Variants in SNX29 observed in about 807,000 individuals in gnomAD.
SNX29 encodes the protein sorting nexin-29.
A neutral mutation model predicts 102.1 loss-of-function variants in SNX29; 78 were observed. The ratio of observed to expected loss-of-function variants is 0.76; its 90% CI spans 0.64 to 0.92. SNX29 has a LOEUF of 0.92. Ranked by LOEUF, SNX29 falls within the 40% of genes least tolerant of loss-of-function variation. The pLI is 0.00. For synonymous variants in SNX29, 580 were observed against 414.5 expected (o/e 1.40, Z -4.85); for missense variants, 1,280 against 1,061.7 (o/e 1.21, Z -2.86).
chr16:12,339,166 A>G (rs1221340129), intron 15 of SNX29, among the ~76,000 whole-genome samples: 1 of 152,098 alleles, frequency 6.6e-6, no homozygotes, highest in Non-Finnish European at 1.5e-5. Flanking sequence ...TCAGGAGTTC[A>G]AGACCAGCCT....
chr16:12,067,951 G>T (rs2051111424), intron 9 of SNX29, among the ~76,000 whole-genome samples: 1 of 152,138 alleles, frequency 6.6e-6, no homozygotes, highest in African/African-American at 2.4e-5. Flanking sequence ...ACTACTTATG[G>T]CCCCAGCTCT....
chr16:12,376,327 C>T (rs568048184), intron 16 of SNX29, among the ~76,000 whole-genome samples: 16 of 152,274 alleles, frequency 1.1e-4, no homozygotes, highest in African/African-American at 2.6e-4. Flanking sequence ...ATTTTATGGA[C>T]GAAGTGAGTC....
intron 18 of SNX29, among the ~76,000 whole-genome samples, chr16:12,446,024 A>G (rs1314457100): frequency 6.6e-6 from 1 of 150,468 alleles, no homozygotes; most frequent in East Asian, 2.0e-4. Context: ...CTGGACGTGC[A>G]GTTGAAACAG....
chr16:12,570,152 C>CA lies in SNX29; in HGVS notation c.*1524dup, dbSNP rs2079156198. The CA allele has an allele frequency of 9.4e-7, 1 of 1,064,456 alleles. No individual in the cohort carries two copies. The highest frequency in any genetic ancestry group is 1.6e-5 in the African/African-American group (1 of 61,036). The allele number at this position is 1,064,456 out of a possible 1,614,324, so 65.9% of individuals were successfully genotyped here. A position where few individuals can be genotyped will look rare whatever the true frequency, so the allele number is the denominator to read the frequency against. On this transcript the variant is annotated 3_prime_UTR_variant, in exon 21 of 21. Coordinates refer to ENST00000566228, the MANE Select transcript of SNX29 (RefSeq NM_032167.5). ...TTAAGGAAGGCTGAGATCACTCACA[C>CA]ACAGCGCCCCCCCACCCCAGAGAAA...
At chr16:12,153,410 A>C (rs934466673) in intron 13 of SNX29, among the ~76,000 whole-genome samples, 1 of 151,524 alleles carries the variant, frequency 6.6e-6, no homozygotes, top group African/African-American at 2.4e-5. Context: ...GCCCCTGGGG[A>C]GATCCCCCCA....
chr16:12,546,935 G>T (rs144764905), intron 20 of SNX29, among the ~76,000 whole-genome samples: 5 of 152,330 alleles, frequency 3.3e-5, no homozygotes, highest in East Asian at 3.9e-4. Context: ...CAGGGATGAA[G>T]AGAAAATAAA....
chr16:12,543,925 G>T (rs546172314), intron 20 of SNX29, among the ~76,000 whole-genome samples: 1 of 152,258 alleles, frequency 6.6e-6, no homozygotes, highest in East Asian at 1.9e-4. Context: ...GGTGGAATCC[G>T]GCACCCTCTC....
At chr16:12,162,200 G>A (rs1236333571) in intron 13 of SNX29, among the ~76,000 whole-genome samples, 1 of 152,088 alleles carries the variant, frequency 6.6e-6, no homozygotes, top group Non-Finnish European at 1.5e-5. Flanking sequence ...CAGCACGGTC[G>A]GCTCCTTCTG....
intron 15 of SNX29, among the ~76,000 whole-genome samples, chr16:12,312,179 T>C (rs2080578085): frequency 6.6e-6 from 1 of 152,220 alleles, no homozygotes; most frequent in African/African-American, 2.4e-5. Context: ...AAAAAGGATA[T>C]TGGGGGCTAT....
At chr16:12,491,944 G>A (rs1229288236) in intron 19 of SNX29, among the ~76,000 whole-genome samples, 1 of 152,188 alleles carries the variant, frequency 6.6e-6, no homozygotes, top group African/African-American at 2.4e-5. Context: ...GGACATTCGG[G>A]TTGGTTCCAA....
At chr16:12,485,908 G>T (rs1244216254) in intron 19 of SNX29, among the ~76,000 whole-genome samples, 1 of 152,164 alleles carries the variant, frequency 6.6e-6, no homozygotes, top group South Asian at 2.1e-4. Context: ...TCTAGGAGAG[G>T]GAGTAGGTGG....
At chr16:12,436,511 C>T (rs971722654) in intron 18 of SNX29, among the ~76,000 whole-genome samples, 2 of 152,240 alleles carry the variant, frequency 1.3e-5, no homozygotes, top group African/African-American at 4.8e-5. Flanking sequence ...CTCAGGCATT[C>T]ATACCCCTGA....
chr16:12,547,404 T>A (rs535716570), intron 20 of SNX29, among the ~76,000 whole-genome samples: 2 of 151,988 alleles, frequency 1.3e-5, no homozygotes, highest in South Asian at 2.1e-4. Context: ...ATAGAACAGG[T>A]AGTTAGGGGA....
chr16:12,320,771 C>T (rs1284101158), intron 15 of SNX29, among the ~76,000 whole-genome samples: 1 of 152,206 alleles, frequency 6.6e-6, no homozygotes, highest in African/African-American at 2.4e-5. Context: ...GACACTGACT[C>T]TTCCTTCCAA....
At chr16:12,468,827 C>G (rs2087200071) in intron 18 of SNX29, among the ~76,000 whole-genome samples, 1 of 152,214 alleles carries the variant, frequency 6.6e-6, no homozygotes, top group African/African-American at 2.4e-5. Flanking sequence ...CACCCTCAAC[C>G]TAGCATCCAG....
At chr16:12,311,785 C>A (rs1056433764) in intron 15 of SNX29, among the ~76,000 whole-genome samples, 5 of 152,250 alleles carry the variant, frequency 3.3e-5, no homozygotes, top group African/African-American at 4.8e-5. Flanking sequence ...GTATCTATGG[C>A]ACCTGGAGCA....
chr16:12,559,468 G>A (rs1169063674), intron 20 of SNX29, among the ~76,000 whole-genome samples: 1 of 151,614 alleles, frequency 6.6e-6, no homozygotes, highest in Non-Finnish European at 1.5e-5. Flanking sequence ...GGTGAGTTGT[G>A]TAATTTTTTC....
At chr16:12,308,194 T>C (rs1249458664) in intron 15 of SNX29, among the ~76,000 whole-genome samples, 2 of 152,240 alleles carry the variant, frequency 1.3e-5, no homozygotes, top group African/African-American at 2.4e-5. Context: ...CTGGTGGTGC[T>C]GACACCCGGC....
chr16:12,277,648 C>T (rs1037737361), intron 14 of SNX29, among the ~76,000 whole-genome samples: 2 of 152,106 alleles, frequency 1.3e-5, no homozygotes, highest in South Asian at 2.1e-4. Context: ...AATCATAGCT[C>T]ATGGCAGCCT....
Sources: gnomAD v4.1 joint callset for allele counts (sites outside exome capture counted in the v4.1 genomes callset) on GRCh38, gnomAD v4.1.1 for gene constraint, MANE v1.5 for transcripts, NCBI Gene and HGNC (gene_info 2026-07-23, HGNC 2026-07-21) for gene names.